Variants in RUNX1 observed in about 807,000 individuals in gnomAD.
RUNX1 encodes the protein RUNX family transcription factor 1.
RUNX1 carries 19 observed loss-of-function variants against 42.8 expected under a neutral mutation model. The ratio of observed to expected loss-of-function variants is 0.44; its 90% CI spans 0.31 to 0.65. The LOEUF is 0.65. Among genes scored for constraint, RUNX1 ranks in the 30% least tolerant of loss-of-function variants. The pLI is 0.07. For missense variants in RUNX1, 528 were observed against 672.0 expected, an observed-to-expected ratio of 0.79 and a Z score of 2.37; for synonymous variants, 271 against 289.4, an observed-to-expected ratio of 0.94 and a Z score of 0.64.
At chr21:34,882,876 C>A (rs1470786437) in intron 4 of RUNX1, among the ~76,000 whole-genome samples, 1 of 152,178 alleles carries the variant, frequency 6.6e-6, no homozygotes, top group Non-Finnish European at 1.5e-5. Flanking sequence ...TGTGGTAACC[C>A]AGGCTTCTCT....
At chr21:34,888,127 C>T (rs888641508) in intron 3 of RUNX1, 88 of 1,066,242 alleles carry the variant, frequency 8.3e-5, no homozygotes, top group Non-Finnish European at 9.8e-5. Flanking sequence ...CCACTGTCTA[C>T]ATCAGCTGGG....
chr21:34,905,459 C>T (rs923579484), intron 2 of RUNX1, among the ~76,000 whole-genome samples: 1 of 152,068 alleles, frequency 6.6e-6, no homozygotes, highest in Non-Finnish European at 1.5e-5. Flanking sequence ...TTATTTTCAC[C>T]GTTGTGTATG....
Position 34,789,551 on chromosome 21 carries a change from C to T in RUNX1, c.*2584G>A. ...CTGAGGGCAATGAATAAAAAGATAC[C>T]TTAATCTACCTGAAGTCAATGAATG... On this transcript the variant is annotated 3_prime_UTR_variant, in exon 9 of 9. Coordinates refer to ENST00000675419, the MANE Select transcript of RUNX1 (RefSeq NM_001754.5). 1 of 233,532 alleles carries T rather than the reference C, an allele frequency of 4.3e-6. No homozygotes were observed. The highest frequency in any genetic ancestry group is 8.5e-6 in the Non-Finnish European group (1 of 118,026). The allele number at this position is 233,532 out of a possible 1,614,324, so 14.5% of individuals were successfully genotyped here.
At chr21:35,045,762 G>A (rs1302579507) in intron 2 of RUNX1, among the ~76,000 whole-genome samples, 7 of 152,242 alleles carry the variant, frequency 4.6e-5, no homozygotes, top group South Asian at 2.1e-4. Context: ...TGAAAAGAGC[G>A]GCAAGCCGAT....
At chr21:34,991,453 C>T (rs944841452) in intron 2 of RUNX1, among the ~76,000 whole-genome samples, 4 of 152,212 alleles carry the variant, frequency 2.6e-5, no homozygotes, top group Non-Finnish European at 5.9e-5. Flanking sequence ...CAGTTTACCT[C>T]TACATAGCAG....
intron 2 of RUNX1, among the ~76,000 whole-genome samples, chr21:34,953,598 A>C (rs2058624075): frequency 6.6e-6 from 1 of 152,238 alleles, no homozygotes; most frequent in South Asian, 2.1e-4. Context: ...TGGGCTACTT[A>C]CAACTGGAAT....
Position 34,792,634 on chromosome 21 carries a change from AG to A in RUNX1, c.968-25del, listed in dbSNP as rs1318659707. 1 of 1,554,484 alleles carries A rather than the reference AG, an allele frequency of 6.4e-7. No individual in the cohort carries two copies. On this transcript the variant is annotated intron_variant, in intron 8 of 8. Coordinates refer to ENST00000675419, the MANE Select transcript of RUNX1 (RefSeq NM_001754.5). The surrounding 1 kb of genome is among the most constrained non-coding windows in gnomAD (Gnocchi z 6.9). ...CGCTGCAGGGCGGGCAAGAGAACGG[AG>A]CGGAAGTGAGTAGGAGGTTGCGGAG...
intron 2 of RUNX1, among the ~76,000 whole-genome samples, chr21:35,026,271 C>A (rs1285053879): frequency 6.6e-6 from 1 of 152,196 alleles, no homozygotes; most frequent in Non-Finnish European, 1.5e-5. Context: ...CAGTGAATAT[C>A]GTGGTTATAC....
intron 2 of RUNX1, among the ~76,000 whole-genome samples, chr21:34,988,752 TC>T (rs1290259974): frequency 6.6e-6 from 1 of 152,186 alleles, no homozygotes; most frequent in Non-Finnish European, 1.5e-5. Context: ...GATGGTCTCC[TC>T]CGGCACCCAT....
rs71319521 is a variant in RUNX1 at position 34,978,937 on chromosome 21, T to TATAC, written c.58+69904_58+69905insGTAT. The stretch of plus-strand genomic sequence containing the variant: ...TTCTCAGACAAAACACACACACAGA[T>TATAC]ACACACACACACACACACACACACA... On this transcript the variant is annotated intron_variant, in intron 2 of 8. Coordinates refer to ENST00000675419, the MANE Select transcript of RUNX1 (RefSeq NM_001754.5). 5.4e-3 allele frequency among the ~76,000 whole-genome samples: 721 copies of TATAC among 134,144 alleles called. 13 individuals are homozygous for TATAC. The East Asian group carries it at 0.065, about 12-fold the overall frequency. The allele number at this position is 134,144 out of a possible 152,430, so 88.0% of individuals were successfully genotyped here.
In RUNX1 at chr21:34,792,385, G is replaced by A. The variant is rs2145875622; in HGVS notation, c.1193C>T (p.Ala398Val). The change falls in exon 9 of 9, where the codon GCC becomes GTC. Residue 398 changes from alanine (A) to valine (V), a missense_variant. By Grantham distance (64) the Ala-to-Val change is moderately conservative. Coordinates refer to ENST00000675419, the MANE Select transcript of RUNX1 (RefSeq NM_001754.5). The surrounding 1 kb of genome is among the most constrained non-coding windows in gnomAD (Gnocchi z 6.9). ...GTACAGGTGGTAGGAGGGCGAGCTG[G>A]CTTGGAACGGGCCTCCCTGCGCTTG... ...SSQAQGGPFQ[A>V]SSPSYHLYYG... 6.4e-7 allele frequency: 1 copy of A among 1,566,320 alleles called. No individual in the cohort carries two copies. Among genetic ancestry groups the A allele is most frequent in the South Asian group, 1.2e-5 (1 of 85,358 alleles).
intron 2 of RUNX1, among the ~76,000 whole-genome samples, chr21:35,008,256 C>T (rs1389128867): frequency 6.6e-6 from 1 of 152,176 alleles, no homozygotes; most frequent in Non-Finnish European, 1.5e-5. Context: ...TGTACACATT[C>T]GAGTTGGCCT....
intron 2 of RUNX1, among the ~76,000 whole-genome samples, chr21:35,015,851 G>C (rs913227463): frequency 6.6e-6 from 1 of 152,214 alleles, no homozygotes; most frequent in Non-Finnish European, 1.5e-5. Flanking sequence ...AAGGTCAAGA[G>C]CTAGTTAATG....
chr21:35,020,386 C>T (rs768391794), intron 2 of RUNX1, among the ~76,000 whole-genome samples: 2 of 152,130 alleles, frequency 1.3e-5, no homozygotes, highest in Non-Finnish European at 2.9e-5. Flanking sequence ...TTTGATCACC[C>T]TCATGGAGAA....
At chr21:34,882,013 T>C (rs190190110) in intron 4 of RUNX1, among the ~76,000 whole-genome samples, 1 of 152,320 alleles carries the variant, frequency 6.6e-6, no homozygotes, top group African/African-American at 2.4e-5. Context: ...ACATCATCAT[T>C]TTTGGTTGCT....
chr21:35,000,236 CTT>C lies in RUNX1; in HGVS notation c.58+48604_58+48605del, dbSNP rs397866864. ...GACGATCATATAATTTTCTTTCTTT[CTT>C]TTTTTTTTTTTTTTTTTTTTGAGAC... On this transcript the variant is annotated intron_variant, in intron 2 of 8. Coordinates refer to ENST00000675419, the MANE Select transcript of RUNX1 (RefSeq NM_001754.5). Among the ~76,000 whole-genome samples, 742 of 110,902 alleles carry C rather than the reference CTT, an allele frequency of 6.7e-3. 5 individuals are homozygous for C. The highest frequency in any genetic ancestry group is 0.024 in the African/African-American group (700 of 28,876). The allele number at this position is 110,902 out of a possible 152,430, so 72.8% of individuals were successfully genotyped here.
intron 3 of RUNX1, among the ~76,000 whole-genome samples, chr21:34,890,198 G>A (rs1288787596): frequency 6.6e-6 from 1 of 151,792 alleles, no homozygotes; most frequent in Non-Finnish European, 1.5e-5. Flanking sequence ...CGCGGGCTCT[G>A]GCGGACGCCA....
intron 2 of RUNX1, among the ~76,000 whole-genome samples, chr21:34,934,114 G>A (rs73900602): frequency 3.3e-5 from 5 of 152,112 alleles, no homozygotes; most frequent in East Asian, 1.9e-4. Flanking sequence ...GCTTTTCTGT[G>A]TATGTCCTGA....
intron 7 of RUNX1, 116 bp from the exon 8 acceptor site, chr21:34,799,578 A>C: frequency 1.1e-6 from 1 of 882,282 alleles, no homozygotes. Flanking sequence ...TATGTGGCCT[A>C]TGTACCAGGG....
Sources: allele counts gnomAD v4.1 joint callset (sites outside exome capture counted in the v4.1 genomes callset), GRCh38; gene constraint gnomAD v4.1.1; non-coding constraint Gnocchi (gnomAD v3.1); transcripts MANE v1.5; gene names NCBI Gene and HGNC (gene_info 2026-07-23, HGNC 2026-07-21).